The following BNC2 variants were observed in gnomAD, a reference collection of about 807,000 sequenced individuals.
BNC2 encodes basonuclin zinc finger protein 2.
BNC2 carries 20 observed loss-of-function variants against 76.3 expected under a neutral mutation model. The ratio of observed to expected loss-of-function variants is 0.26; its 90% confidence interval spans 0.18 to 0.38. The LOEUF is 0.38. Among genes scored for constraint, BNC2 ranks in the 10% least tolerant of loss-of-function variants. The probability of loss-of-function intolerance (pLI) is 1.00; values close to 1 mark genes in which losing one functional copy is unlikely to be tolerated. For missense variants in BNC2, 1,382 were observed against 1,399.8 expected (o/e 0.99, Z 0.20); for synonymous variants, 582 against 514.8 (o/e 1.13, Z -1.77).
At position 16,552,665 on chromosome 9, in the gene BNC2, C is replaced by T. The variant is rs927060012; in HGVS notation, c.534G>A (p.Gly178=). 5 of 1,614,188 alleles carry T rather than the reference C, an allele frequency of 3.1e-6. No homozygotes were observed. Among genetic ancestry groups the T allele is most frequent in the Middle Eastern group, 1.6e-4 (1 of 6,062 alleles). ...TTAGCCGCACAGGCACTGCTTGTGT[C>T]CCATAGAGCATCAGGCTGCTGATGT... ...VFDISSLMLY[G]TQAVPVRLKI... Residue 178 remains glycine (G), a synonymous_variant, in exon 5 of 7, where the codon GGG becomes GGA. Transcript: ENST00000380672.
chr9:16,862,583 T>C (rs1563976048), intron 1 of BNC2, among the ~76,000 whole-genome samples: 1 of 152,212 alleles, frequency 6.6e-6, no homozygotes, highest in Non-Finnish European at 1.5e-5. Flanking sequence ...GCCAGTCACC[T>C]GCGTAGAGAT....
At chr9:16,441,561 G>A (rs1013296214) in intron 5 of BNC2, among the ~76,000 whole-genome samples, 1 of 152,182 alleles carries the variant, frequency 6.6e-6, no homozygotes, top group African/African-American at 2.4e-5. Context: ...TTGGTGCTTT[G>A]ATTCTGAATC....
rs1372694387 is a variant in BNC2 at position 16,647,346 on chromosome 9, C to T, written c.331-64261G>A. Reference sequence around the variant, plus strand: ...GAGAATTGGCGGAATGTGTGTGGTACGGGTGGGGGCCGGTAGAAGGTAGAA... The same window carrying T: ...GAGAATTGGCGGAATGTGTGTGGTATGGGTGGGGGCCGGTAGAAGGTAGAA... On this transcript the variant is annotated intron_variant, in intron 3 of 6. Transcript: ENST00000380672. Among the ~76,000 whole-genome samples, 8 of 151,878 alleles carry T rather than the reference C, an allele frequency of 5.3e-5. No homozygotes were observed. In the East Asian group the frequency reaches 1.5e-3, roughly 29 times the overall value.
intron 5 of BNC2, among the ~76,000 whole-genome samples, chr9:16,488,899 T>A (rs1199653673): frequency 2.6e-5 from 4 of 152,188 alleles, no homozygotes; most frequent in Non-Finnish European, 4.4e-5. Flanking sequence ...ATGGTAGGAA[T>A]CATTAAATCA....
At chr9:16,636,819 G>T (rs575216486) in intron 3 of BNC2, among the ~76,000 whole-genome samples, 8 of 152,236 alleles carry the variant, frequency 5.3e-5, no homozygotes, top group Non-Finnish European at 1.0e-4. Context: ...AAACAGGTGG[G>T]ATGTTATTTG....
chr9:16,597,070 T>C (rs1040174222), intron 3 of BNC2, among the ~76,000 whole-genome samples: 3 of 152,100 alleles, frequency 2.0e-5, no homozygotes, highest in Non-Finnish European at 4.4e-5. Context: ...TGACACTGAA[T>C]AAAATAATGG....
intron 2 of BNC2, among the ~76,000 whole-genome samples, chr9:16,736,932 G>A (rs553362151): frequency 1.3e-5 from 2 of 151,872 alleles, no homozygotes; most frequent in South Asian, 2.1e-4. Flanking sequence ...CCAGCCTCCC[G>A]AGTAGCTGGG....
In BNC2 at chr9:16,780,106, G is replaced by T. The variant is rs534557369; in HGVS notation, c.4-41621C>A. Among the ~76,000 whole-genome samples, 21 of 151,538 alleles carry T rather than the reference G, an allele frequency of 1.4e-4. No individual in the cohort carries two copies. In the East Asian group the frequency reaches 4.1e-3, roughly 30 times the overall value. On this transcript the variant is annotated intron_variant, in intron 1 of 6. Coordinates refer to ENST00000380672, the MANE Select transcript of BNC2 (RefSeq NM_017637.6). Reference sequence around the variant, plus strand: ...AAAAAATTAGCCGGGCGCGGTGGCGGGTGCCTGTAGTCCCAGCTACTAGGG... The same window carrying T: ...AAAAAATTAGCCGGGCGCGGTGGCGTGTGCCTGTAGTCCCAGCTACTAGGG...
chr9:16,706,030 C>A (rs1823659924), intron 3 of BNC2, among the ~76,000 whole-genome samples: 1 of 152,200 alleles, frequency 6.6e-6, no homozygotes, highest in Admixed American at 6.5e-5. Flanking sequence ...TGACAAGCAA[C>A]TATTTTAAAA....
At chr9:16,654,598 T>C (rs1795269304) in intron 3 of BNC2, among the ~76,000 whole-genome samples, 1 of 152,198 alleles carries the variant, frequency 6.6e-6, no homozygotes. Flanking sequence ...ACTTGTTTTG[T>C]CTGAGTTAAT....
chr9:16,807,561 G>C (rs1254024539), intron 1 of BNC2, among the ~76,000 whole-genome samples: 1 of 152,086 alleles, frequency 6.6e-6, no homozygotes, highest in Non-Finnish European at 1.5e-5. Context: ...GTGGAGGGAG[G>C]GGAGGTCAAC....
intron 4 of BNC2, among the ~76,000 whole-genome samples, chr9:16,554,964 G>C (rs113698676): frequency 7.2e-5 from 11 of 152,112 alleles, no homozygotes; most frequent in African/African-American, 2.7e-4. Flanking sequence ...TCAAATTGTA[G>C]GTGAAAAAAA....
intron 1 of BNC2, among the ~76,000 whole-genome samples, chr9:16,739,393 G>T (rs988212394): frequency 1.6e-4 from 24 of 152,200 alleles, no homozygotes; most frequent in African/African-American, 5.1e-4. Context: ...AATAGGCCGG[G>T]CATGGTGGCT....
intron 1 of BNC2, among the ~76,000 whole-genome samples, chr9:16,756,880 A>C (rs894783818): frequency 3.3e-5 from 5 of 151,806 alleles, no homozygotes; most frequent in Non-Finnish European, 5.9e-5. Context: ...AGTCCCAGCT[A>C]CTCGGGAGGC....
intron 3 of BNC2, among the ~76,000 whole-genome samples, chr9:16,663,125 TTACTC>T (rs1292408789): frequency 3.1e-5 from 4 of 128,150 alleles, no homozygotes; most frequent in African/African-American, 1.3e-4. Flanking sequence ...TCCACTCTGT[TTACTC>T]TTTTTTTTTT....
chr9:16,644,051 T>G (rs1821560107), intron 3 of BNC2, among the ~76,000 whole-genome samples: 1 of 152,176 alleles, frequency 6.6e-6, no homozygotes, highest in African/African-American at 2.4e-5. Flanking sequence ...TTTCAGGAAG[T>G]CAAAGCAGAG....
At chr9:16,530,628 A>G (rs762307648) in intron 5 of BNC2, among the ~76,000 whole-genome samples, 2 of 152,242 alleles carry the variant, frequency 1.3e-5, no homozygotes, top group African/African-American at 4.8e-5. Context: ...GCTGAGAGAA[A>G]TATCTGCATT....
intron 1 of BNC2, among the ~76,000 whole-genome samples, chr9:16,847,401 C>CGGG (rs869051853): frequency 1.6e-3 from 16 of 10,314 alleles, no homozygotes; most frequent in East Asian, 6.2e-3. Context: ...TTTCTCGGGG[C>CGGG]GGGGGGGGGG....
At chr9:16,769,940 G>A (rs553784839) in intron 1 of BNC2, among the ~76,000 whole-genome samples, 2 of 152,254 alleles carry the variant, frequency 1.3e-5, no homozygotes, top group South Asian at 4.1e-4. Flanking sequence ...CGGAATTACA[G>A]AGAAATTTCC....
Sources: allele counts gnomAD v4.1 joint callset (sites outside exome capture counted in the v4.1 genomes callset), GRCh38; gene constraint gnomAD v4.1.1; transcripts MANE v1.5; gene names NCBI Gene and HGNC (gene_info 2026-07-23, HGNC 2026-07-21).